ZCCHC2: variants seen among roughly 807,000 people sequenced by gnomAD.
ZCCHC2 encodes the protein zinc finger CCHC domain-containing protein 2.
In ZCCHC2, 39 loss-of-function variants were observed where a neutral mutation model predicts 103.6. That is an observed-to-expected ratio of 0.38 (90% CI 0.29 to 0.49). The LOEUF (loss-of-function observed/expected upper bound fraction) is 0.49. Among genes scored for constraint, ZCCHC2 ranks in the 20% least tolerant of loss-of-function variants. The pLI is 0.96. For synonymous variants in ZCCHC2, 687 were observed against 608.9 expected (o/e 1.13, Z -1.89); for missense variants, 1,483 against 1,491.0 (o/e 0.99, Z 0.09).
At chr18:62,525,922 T>C (rs1914367942) in intron 1 of ZCCHC2, 1 of 152,156 alleles carries the variant, frequency 6.6e-6, no homozygotes, top group Non-Finnish European at 1.5e-5. Context: ...ACAATGCTTA[T>C]TTAAAATGTT....
intron 6 of ZCCHC2, among the ~76,000 whole-genome samples, chr18:62,557,722 A>G (rs922396207): frequency 2.6e-5 from 4 of 152,256 alleles, no homozygotes; most frequent in Admixed American, 2.6e-4. Context: ...AAGGCATTGA[A>G]TTGAGCACAA....
Position 62,574,691 on chromosome 18 carries a change from A to G in ZCCHC2, c.2610A>G (p.Lys870=), listed in dbSNP as rs376526076. 9.9e-6 allele frequency: 16 copies of G among 1,613,760 alleles called. No homozygotes were observed. The highest frequency in any genetic ancestry group is 1.3e-5 in the African/African-American group (1 of 74,868). Residue 870 remains lysine, a synonymous_variant, in exon 13 of 14, where the codon AAA becomes AAG. Transcript: ENST00000269499. ...SPVATTDPIT[K]SASQVVGLNQ... ...TTGCTACCACGGACCCCATCACAAA[A>G]TCTGCATCCCAAGTGGTAGGACTCA...
intron 4 of ZCCHC2, 59 bp downstream of exon 4, chr18:62,544,932 C>G: frequency 1.5e-6 from 2 of 1,350,936 alleles, no homozygotes; most frequent in Non-Finnish European, 2.0e-6. Flanking sequence ...ATCCAGAAAC[C>G]TCAACGTCAA....
intron 1 of ZCCHC2, 76 bp from the exon 2 acceptor site, chr18:62,539,605 A>C: frequency 7.5e-7 from 1 of 1,327,314 alleles, no homozygotes. Flanking sequence ...TGTTAGTAAA[A>C]TGAGAAGACC....
intron 11 of ZCCHC2, 98 bp from the exon 12 acceptor site, chr18:62,570,003 CTG>C (rs1916528961): frequency 1.7e-6 from 2 of 1,207,808 alleles, no homozygotes; most frequent in Non-Finnish European, 2.3e-6. Context: ...TGTGGGGAAA[CTG>C]AAGAAAATAT....
chr18:62,542,259 AAC>A (rs1275478799), intron 2 of ZCCHC2, among the ~76,000 whole-genome samples: 6 of 152,158 alleles, frequency 3.9e-5, no homozygotes, highest in African/African-American at 1.4e-4. Context: ...AATTTACTTA[AAC>A]ACTCAGCATG....
At chr18:62,538,814 A>G (rs1279606182) in intron 1 of ZCCHC2, among the ~76,000 whole-genome samples, 1 of 152,116 alleles carries the variant, frequency 6.6e-6, no homozygotes, top group Non-Finnish European at 1.5e-5. Flanking sequence ...AGGGTCTTCT[A>G]TTTGCCTAAT....
chr18:62,576,434 G>T lies in ZCCHC2; in HGVS notation c.3470-78G>T, dbSNP rs116625654. The T allele has an allele frequency of 5.1e-4, 650 of 1,281,160 alleles. 3 individuals carry two copies. In the African/African-American group the frequency reaches 8.6e-3, roughly 17 times the overall value. 79.4% of individuals were successfully genotyped at this position (1,281,160 alleles called of 1,614,324 possible). On this transcript the variant is annotated intron_variant, in intron 13 of 13. Transcript: ENST00000269499. ...AAGGTGCCTTGTGGAGAGCATGCCC[G>T]TGTGATAGCTTGTACGTAGTGGTTT...
At chr18:62,564,006 C>T (rs923318278) in intron 9 of ZCCHC2, among the ~76,000 whole-genome samples, 1 of 152,188 alleles carries the variant, frequency 6.6e-6, no homozygotes, top group Admixed American at 6.5e-5. Context: ...TGAAACTTCT[C>T]TCTAGAAAAT....
At chr18:62,557,961 C>T (rs8097720) in intron 6 of ZCCHC2, among the ~76,000 whole-genome samples, 9,212 of 151,304 alleles carry the variant, frequency 0.061, 621 homozygotes, top group African/African-American at 0.17. Context: ...TCTTACATAT[C>T]TGAGTTGTTT....
At chr18:62,575,690 A>G (rs916426089) in intron 13 of ZCCHC2, 140 bp downstream of exon 13, 1 of 1,080,724 alleles carries the variant, frequency 9.3e-7, no homozygotes, top group South Asian at 1.7e-5. Context: ...GTGACAGATC[A>G]TAAAATGCAA....
At chr18:62,561,572 C>T (rs1355370839) in intron 8 of ZCCHC2, among the ~76,000 whole-genome samples, 1 of 152,220 alleles carries the variant, frequency 6.6e-6, no homozygotes, top group African/African-American at 2.4e-5. Context: ...GCTCCTGATG[C>T]TTCCAGCCTC....
chr18:62,569,187 A>G (rs1419470660), intron 11 of ZCCHC2, among the ~76,000 whole-genome samples: 1 of 152,182 alleles, frequency 6.6e-6, no homozygotes, highest in Admixed American at 6.6e-5. Context: ...GTCATGTTTA[A>G]CAGTCTTAAC....
chr18:62,526,988 G>A (rs1244230829), intron 1 of ZCCHC2: 1 of 133,754 alleles, frequency 7.5e-6, no homozygotes, highest in Non-Finnish European at 1.5e-5. Context: ...CCTGGTAAAG[G>A]GAAATTCGTG....
At chr18:62,529,756 G>A (rs925101875) in intron 1 of ZCCHC2, among the ~76,000 whole-genome samples, 8 of 152,156 alleles carry the variant, frequency 5.3e-5, no homozygotes, top group African/African-American at 1.9e-4. Context: ...GGTGCTGGAT[G>A]TGGAGAGGAA....
At chr18:62,540,368 G>A (rs1915118126) in intron 2 of ZCCHC2, among the ~76,000 whole-genome samples, 1 of 151,660 alleles carries the variant, frequency 6.6e-6, no homozygotes, top group African/African-American at 2.4e-5. Flanking sequence ...GGCTTTAAAA[G>A]AGCCAAGGAT....
rs563442793 is a variant in ZCCHC2, at chr18:62,562,767, G to A, written c.1551-242G>A. On this transcript the variant is annotated intron_variant, in intron 8 of 13. Coordinates refer to ENST00000269499, the MANE Select transcript of ZCCHC2 (RefSeq NM_017742.6). ...TAAGCAGTGTATGATGATCACCATC[G>A]CATAGTGTCTAAAAGCAGAGTGTGC... 4.6e-5 allele frequency among the ~76,000 whole-genome samples: 7 copies of A among 152,264 alleles called. No homozygotes were observed. In the East Asian group the frequency reaches 7.7e-4, roughly 17 times the overall value.
chr18:62,565,489 T>G (rs560585307), intron 11 of ZCCHC2, among the ~76,000 whole-genome samples: 10 of 152,318 alleles, frequency 6.6e-5, no homozygotes, highest in Admixed American at 6.5e-4. Flanking sequence ...TACTGTTGAC[T>G]TCTTCATGAT....
exon 15 of ZCCHC2, chr18:62,586,335 C>T (rs932140407): frequency 3.3e-5 from 5 of 151,834 alleles, no homozygotes; most frequent in African/African-American, 7.3e-5. Flanking sequence ...ACAGCGTGGC[C>T]GTGGGTGGGA....
Sources: allele counts gnomAD v4.1 joint callset (sites outside exome capture counted in the v4.1 genomes callset), GRCh38; gene constraint gnomAD v4.1.1; transcripts MANE v1.5; gene names NCBI Gene and HGNC (gene_info 2026-07-23, HGNC 2026-07-21).